OSBPL8: variants seen among roughly 807,000 people sequenced by gnomAD.
The protein encoded by OSBPL8 is oxysterol binding protein like 8.
In OSBPL8, 59 loss-of-function variants were observed where a neutral mutation model predicts 125.5. The ratio of observed to expected loss-of-function variants is 0.47; its 90% CI spans 0.38 to 0.58. The LOEUF (loss-of-function observed/expected upper bound fraction) is 0.58. Among genes scored for constraint, OSBPL8 ranks in the 20% least tolerant of loss-of-function variants. The pLI, the probability that OSBPL8 is intolerant of heterozygous loss-of-function variation, is 0.00. For synonymous variants in OSBPL8, 330 were observed against 338.9 expected (o/e 0.97, Z 0.29); for missense variants, 758 against 1,047.8 (o/e 0.72, Z 3.82).
Position 76,384,272 on chromosome 12 carries a change from C to T in OSBPL8, c.1612G>A (p.Ala538Thr). Residue 538 changes from alanine to threonine, a missense_variant, in exon 15 of 24, where the codon GCT becomes ACT. Transcript: ENST00000261183. ...AACTCACCATAAAACTTAGACTTAG[C>T]CAGGATACTACCGCTAAGGCAAAAT... ...DGFCLSGSIL[A>T]KSKFYGNSLS... The T allele has an allele frequency of 1.3e-6, 2 of 1,542,794 alleles. No individual in the cohort carries two copies. The highest frequency in any genetic ancestry group is 1.8e-6 in the Non-Finnish European group (2 of 1,133,276).
At chr12:76,495,335 G>A (rs370390669) in intron 1 of OSBPL8, among the ~76,000 whole-genome samples, 24 of 152,220 alleles carry the variant, frequency 1.6e-4, no homozygotes, top group African/African-American at 3.9e-4. Context: ...ATATAATAGC[G>A]CAGCATCATT....
chr12:76,539,292 C>T (rs984847917), intron 1 of OSBPL8, among the ~76,000 whole-genome samples: 4 of 151,874 alleles, frequency 2.6e-5, no homozygotes, highest in African/African-American at 9.7e-5. Context: ...TAATAAAACC[C>T]TATGCAGAAA....
intron 8 of OSBPL8, among the ~76,000 whole-genome samples, chr12:76,397,338 G>A (rs1470247930): frequency 2.7e-5 from 4 of 146,036 alleles, no homozygotes; most frequent in African/African-American, 5.1e-5. Flanking sequence ...AAAATCACAG[G>A]GGGTGGGGAG....
intron 1 of OSBPL8, among the ~76,000 whole-genome samples, chr12:76,551,574 G>C (rs533813148): frequency 6.6e-6 from 1 of 152,142 alleles, no homozygotes; most frequent in Non-Finnish European, 1.5e-5. Flanking sequence ...GTGACTGGGC[G>C]TAAGATAAAG....
chr12:76,540,510 G>A (rs1950611055), intron 1 of OSBPL8, among the ~76,000 whole-genome samples: 1 of 151,824 alleles, frequency 6.6e-6, no homozygotes, highest in Non-Finnish European at 1.5e-5. Context: ...GTGTGTGTGT[G>A]TGTGTGTGTG....
In OSBPL8 at chr12:76,450,298, G is replaced by A. The variant is rs76058663; in HGVS notation, c.217+553C>T. On this transcript the variant is annotated intron_variant, in intron 4 of 23. Coordinates refer to ENST00000261183, the MANE Select transcript of OSBPL8 (RefSeq NM_020841.5). Reference sequence around the variant, plus strand: ...AAAGAACTTTCCAGGCCAAAACAGTGCCAAGGTTGAGAAGTCCTGAAAATA... The same window carrying A: ...AAAGAACTTTCCAGGCCAAAACAGTACCAAGGTTGAGAAGTCCTGAAAATA... 6.5e-3 allele frequency among the ~76,000 whole-genome samples: 996 copies of A among 152,234 alleles called. 6 individuals carry two copies. The highest frequency in any genetic ancestry group is 0.037 in the Middle Eastern group (11 of 294).
chr12:76,402,422 G>A (rs1367610129), intron 6 of OSBPL8, among the ~76,000 whole-genome samples: 2 of 152,180 alleles, frequency 1.3e-5, no homozygotes, highest in African/African-American at 4.8e-5. Flanking sequence ...GGATACAGCT[G>A]TACAGAGATA....
chr12:76,507,874 A>G (rs1022445069), intron 1 of OSBPL8, among the ~76,000 whole-genome samples: 1 of 150,412 alleles, frequency 6.6e-6, no homozygotes, highest in Admixed American at 6.6e-5. Context: ...TTAAAGAAGA[A>G]TATTACTGGA....
At chr12:76,497,413 G>A (rs537505370) in intron 1 of OSBPL8, among the ~76,000 whole-genome samples, 28 of 152,008 alleles carry the variant, frequency 1.8e-4, no homozygotes, top group African/African-American at 6.3e-4. Context: ...GGTTAACATC[G>A]CGTGTAAATA....
intron 2 of OSBPL8, among the ~76,000 whole-genome samples, chr12:76,484,693 T>C (rs1877933543): frequency 6.6e-6 from 1 of 152,202 alleles, no homozygotes; most frequent in Non-Finnish European, 1.5e-5. Flanking sequence ...AGAGCTCATG[T>C]TCTGATCCAC....
At chr12:76,536,337 A>G (rs1950497073) in intron 1 of OSBPL8, among the ~76,000 whole-genome samples, 1 of 152,036 alleles carries the variant, frequency 6.6e-6, no homozygotes. Flanking sequence ...ACTAAATACT[A>G]AAATACTAAA....
intron 5 of OSBPL8, among the ~76,000 whole-genome samples, chr12:76,406,881 G>A (rs1385083280): frequency 1.3e-5 from 2 of 152,092 alleles, no homozygotes; most frequent in African/African-American, 4.8e-5. Context: ...CCAAAATGCT[G>A]GGATTACAAG....
At position 76,549,027 on chromosome 12, in the gene OSBPL8, A is replaced by T. The variant is rs552460548; in HGVS notation, c.-68+10370T>A. On this transcript the variant is annotated intron_variant, in intron 1 of 23. Transcript: ENST00000261183. The stretch of plus-strand genomic sequence containing the variant: ...AGACGACAATACAACATAGTGTAAA[A>T]ATGGTGGGAAAAGAAAAAGAGAACA... Among the ~76,000 whole-genome samples the T allele has an allele frequency of 5.9e-5, 9 of 152,292 alleles. No homozygotes were observed. The East Asian group carries it at 1.7e-3, about 29-fold the overall frequency.
chr12:76,412,873 A>G (rs983778218), intron 4 of OSBPL8, among the ~76,000 whole-genome samples: 8 of 152,088 alleles, frequency 5.3e-5, no homozygotes, highest in African/African-American at 1.9e-4. Context: ...ACGCAAGGCC[A>G]CCCCTTCAGG....
intron 2 of OSBPL8, among the ~76,000 whole-genome samples, chr12:76,462,938 A>T (rs1189819737): frequency 6.6e-6 from 1 of 152,168 alleles, no homozygotes; most frequent in Non-Finnish European, 1.5e-5. Flanking sequence ...GTAGGAGATG[A>T]GGTCAGAGGG....
chr12:76,510,252 A>G (rs1880837444), intron 1 of OSBPL8, among the ~76,000 whole-genome samples: 1 of 152,210 alleles, frequency 6.6e-6, no homozygotes, highest in South Asian at 2.1e-4. Context: ...TATACCAATC[A>G]TCCAACCCAG....
intron 21 of OSBPL8, among the ~76,000 whole-genome samples, chr12:76,360,470 T>G (rs1164100324): frequency 6.6e-6 from 1 of 152,168 alleles, no homozygotes; most frequent in Non-Finnish European, 1.5e-5. Context: ...CTTTTCCAGG[T>G]GCACAGTGCA....
intron 4 of OSBPL8, chr12:76,423,219 T>C (rs1317601920): frequency 3.9e-5 from 6 of 152,270 alleles, no homozygotes; most frequent in Admixed American, 3.9e-4. Context: ...GATTAAACAT[T>C]CATAAGGAAA....
chr12:76,557,078 C>T (rs953019399), intron 1 of OSBPL8, among the ~76,000 whole-genome samples: 1 of 151,976 alleles, frequency 6.6e-6, no homozygotes, highest in East Asian at 1.9e-4. Flanking sequence ...AAGAACATTG[C>T]TATAAATGTT....
Sources: gnomAD v4.1 joint callset for allele counts (sites outside exome capture counted in the v4.1 genomes callset) on GRCh38, gnomAD v4.1.1 for gene constraint, MANE v1.5 for transcripts, NCBI Gene and HGNC (gene_info 2026-07-23, HGNC 2026-07-21) for gene names.